CNTNAP2: variants seen among roughly 807,000 people sequenced by gnomAD.
CNTNAP2 encodes contactin associated protein 2, also known as contactin-associated protein-like 2.
In CNTNAP2, 98 loss-of-function variants were observed where a neutral mutation model predicts 155.2. The ratio of observed to expected loss-of-function variants is 0.63; its 90% CI spans 0.54 to 0.75. The LOEUF (loss-of-function observed/expected upper bound fraction) is 0.75. CNTNAP2 is among the 30% of genes least tolerant of loss of function. The pLI, the probability that CNTNAP2 is intolerant of heterozygous loss-of-function variation, is 0.00. For synonymous variants in CNTNAP2, 651 were observed against 631.2 expected, an observed-to-expected ratio of 1.03 and a Z score of -0.47; for missense variants, 1,727 against 1,688.1, an observed-to-expected ratio of 1.02 and a Z score of -0.40.
chr7:147,369,074 G>GA (rs1194158512), intron 9 of CNTNAP2, among the ~76,000 whole-genome samples: 4 of 152,042 alleles, frequency 2.6e-5, no homozygotes, highest in Non-Finnish European at 5.9e-5. Flanking sequence ...CTATACAACG[G>GA]AAAAAAGTAT....
chr7:148,046,497 C>T (rs969282120), intron 15 of CNTNAP2, among the ~76,000 whole-genome samples: 1 of 151,740 alleles, frequency 6.6e-6, no homozygotes, highest in Non-Finnish European at 1.5e-5. Flanking sequence ...TCTGTTTTAC[C>T]TTCAACTCTG....
intron 8 of CNTNAP2, among the ~76,000 whole-genome samples, chr7:147,193,425 G>A (rs1172845613): frequency 6.6e-6 from 1 of 152,170 alleles, no homozygotes; most frequent in Non-Finnish European, 1.5e-5. Context: ...GCAGTGTTAA[G>A]CCTCTGCTTT....
intron 13 of CNTNAP2, among the ~76,000 whole-genome samples, chr7:147,643,733 A>G (rs918693844): frequency 6.6e-6 from 1 of 152,208 alleles, no homozygotes; most frequent in African/African-American, 2.4e-5. Flanking sequence ...CTTTGCGCTT[A>G]AAATGTTATT....
intron 1 of CNTNAP2, among the ~76,000 whole-genome samples, chr7:146,433,488 C>T (rs1440624768): frequency 1.3e-5 from 2 of 152,046 alleles, no homozygotes; most frequent in Non-Finnish European, 2.9e-5. Context: ...AAAGGCTTCT[C>T]TTTACTTCTG....
chr7:146,985,308 A>ATTTTTT lies in CNTNAP2; in HGVS notation c.403-58575_403-58570dup, dbSNP rs71165057. Among the ~76,000 whole-genome samples, 68 of 127,830 alleles carry ATTTTTT rather than the reference A, an allele frequency of 5.3e-4. 1 individual carries two copies. The highest frequency in any genetic ancestry group is 2.0e-3 in the African/African-American group (65 of 31,996). The allele number at this position is 127,830 out of a possible 152,430, so 83.9% of individuals were successfully genotyped here. A position where few individuals can be genotyped will look rare whatever the true frequency, so the allele number is the denominator to read the frequency against. ...CAAAGTGCTTGTGGAAAATGCTTGA[A>ATTTTTT]TTTTTTTTTTTTTTTTTTTTTTTTT... On this transcript the variant is annotated intron_variant, in intron 3 of 23. Transcript: ENST00000361727.
chr7:147,985,475 G>C (rs10227836), intron 15 of CNTNAP2, among the ~76,000 whole-genome samples: 9,118 of 134,602 alleles, frequency 0.068, 633 homozygotes, highest in African/African-American at 0.19. Context: ...TCTTACACTG[G>C]CAAGCTGTGT....
chr7:146,720,943 C>CTG (rs1279711734), intron 1 of CNTNAP2, among the ~76,000 whole-genome samples: 3,162 of 130,402 alleles, frequency 0.024, 66 homozygotes, highest in East Asian at 0.1. Context: ...TATACTTTCT[C>CTG]TATATATTCT....
At chr7:147,586,394 G>T (rs780760583) in intron 12 of CNTNAP2, among the ~76,000 whole-genome samples, 4 of 151,920 alleles carry the variant, frequency 2.6e-5, no homozygotes, top group African/African-American at 9.7e-5. Flanking sequence ...TTCTATCAGG[G>T]TCTGAACTAG....
At chr7:146,210,529 C>T (rs1562991211) in intron 1 of CNTNAP2, among the ~76,000 whole-genome samples, 3 of 152,192 alleles carry the variant, frequency 2.0e-5, no homozygotes, top group Middle Eastern at 6.8e-3. Context: ...GTTTCAAACC[C>T]CTGGCCTCAA....
At chr7:146,664,659 T>C (rs1800159421) in intron 1 of CNTNAP2, among the ~76,000 whole-genome samples, 2 of 152,184 alleles carry the variant, frequency 1.3e-5, no homozygotes, top group Non-Finnish European at 2.9e-5. Flanking sequence ...TGGTGGCTCA[T>C]AAAATGAATT....
intron 1 of CNTNAP2, chr7:146,208,775 C>T (rs558649424): frequency 6.6e-6 from 1 of 152,186 alleles, no homozygotes; most frequent in South Asian, 2.1e-4. Context: ...CTTGTCATTG[C>T]CCTTGCTGCT....
intron 1 of CNTNAP2, among the ~76,000 whole-genome samples, chr7:146,214,020 G>T (rs1054757756): frequency 9.9e-5 from 15 of 152,166 alleles, no homozygotes; most frequent in African/African-American, 3.4e-4. Flanking sequence ...GTGCTAGGAA[G>T]AGGCTTCATT....
chr7:147,179,035 G>T (rs1484497739), intron 8 of CNTNAP2, among the ~76,000 whole-genome samples: 1 of 152,080 alleles, frequency 6.6e-6, no homozygotes, highest in Non-Finnish European at 1.5e-5. Flanking sequence ...CAACTGCAGT[G>T]CTGTGGCCTT....
chr7:146,684,819 G>T (rs2533112), intron 1 of CNTNAP2, among the ~76,000 whole-genome samples: 1 of 152,134 alleles, frequency 6.6e-6, no homozygotes, highest in South Asian at 2.1e-4. Context: ...CCCAACTCCA[G>T]AAAGTGCTAT....
intron 20 of CNTNAP2, among the ~76,000 whole-genome samples, chr7:148,247,833 T>C (rs982004520): frequency 2.0e-5 from 3 of 151,674 alleles, no homozygotes; most frequent in Non-Finnish European, 4.4e-5. Flanking sequence ...TTTGTATTTT[T>C]AGTAGAGATG....
intron 1 of CNTNAP2, among the ~76,000 whole-genome samples, chr7:146,669,716 A>T (rs1024898340): frequency 1.3e-5 from 2 of 152,204 alleles, no homozygotes; most frequent in African/African-American, 4.8e-5. Context: ...ATGAAGGTCA[A>T]AACATCTCCC....
chr7:148,297,666 T>A (rs1797309783), intron 21 of CNTNAP2, among the ~76,000 whole-genome samples: 1 of 87,622 alleles, frequency 1.1e-5, no homozygotes, highest in Non-Finnish European at 2.6e-5. Context: ...ATATCTTAAT[T>A]TTTTTTTATC....
At chr7:148,273,608 T>C (rs1796822260) in intron 21 of CNTNAP2, among the ~76,000 whole-genome samples, 1 of 152,244 alleles carries the variant, frequency 6.6e-6, no homozygotes, top group Non-Finnish European at 1.5e-5. Flanking sequence ...GTAGCTTCTC[T>C]GTGTAAACTT....
intron 11 of CNTNAP2, among the ~76,000 whole-genome samples, chr7:147,543,296 C>A (rs778359292): frequency 1.3e-5 from 2 of 152,186 alleles, no homozygotes; most frequent in Non-Finnish European, 2.9e-5. Flanking sequence ...CTTAAGAATG[C>A]CTTTAAGCGG....
Sources: allele counts gnomAD v4.1 joint callset (sites outside exome capture counted in the v4.1 genomes callset), GRCh38; gene constraint gnomAD v4.1.1; transcripts MANE v1.5; gene names NCBI Gene and HGNC (gene_info 2026-07-23, HGNC 2026-07-21).